CHST9: variants seen among roughly 807,000 people sequenced by gnomAD.
CHST9 encodes carbohydrate sulfotransferase 9.
In CHST9, 41 loss-of-function variants were observed where a neutral mutation model predicts 44.4. That is an observed-to-expected ratio of 0.92 (90% CI 0.72 to 1.20). The LOEUF (loss-of-function observed/expected upper bound fraction) is 1.20, where lower values mean the gene tolerates loss of function less well. Among genes scored for constraint, CHST9 ranks in the 50% most tolerant of loss-of-function variants. CHST9 has a pLI of 0.00. For missense variants in CHST9, 504 were observed against 516.5 expected, an observed-to-expected ratio of 0.98 and a Z score of 0.23; for synonymous variants, 171 against 178.4, an observed-to-expected ratio of 0.96 and a Z score of 0.33.
At chr18:27,179,756 A>C (rs932603998) in intron 1 of CHST9, among the ~76,000 whole-genome samples, 11 of 152,150 alleles carry the variant, frequency 7.2e-5, no homozygotes, top group African/African-American at 2.2e-4. Context: ...GCAATTTACA[A>C]AAATAGTTTA....
chr18:27,109,282 CT>C (rs961194918), intron 2 of CHST9, among the ~76,000 whole-genome samples: 10 of 149,650 alleles, frequency 6.7e-5, no homozygotes, highest in East Asian at 3.9e-4. Flanking sequence ...ACACCAGCAC[CT>C]TTTTTTTTTC....
intron 4 of CHST9, 142 bp downstream of exon 4, chr18:27,023,974 C>T (rs568269717): frequency 8.0e-4 from 618 of 774,982 alleles, no homozygotes; most frequent in Non-Finnish European, 1.2e-3. Flanking sequence ...AAAAATGCCA[C>T]CTAGGCAGTG....
intron 4 of CHST9, among the ~76,000 whole-genome samples, chr18:26,988,406 C>A (rs2056778409): frequency 6.6e-6 from 1 of 152,022 alleles, no homozygotes; most frequent in East Asian, 1.9e-4. Context: ...CTATATTGAG[C>A]CAGGCAAAGT....
intron 2 of CHST9, among the ~76,000 whole-genome samples, chr18:27,090,212 T>C (rs2058054818): frequency 6.6e-6 from 1 of 152,218 alleles, no homozygotes; most frequent in Non-Finnish European, 1.5e-5. Context: ...ATGAGCATTT[T>C]TTCATGTGTC....
At chr18:27,161,637 C>G (rs1173494587) in intron 1 of CHST9, among the ~76,000 whole-genome samples, 1 of 152,066 alleles carries the variant, frequency 6.6e-6, no homozygotes, top group Non-Finnish European at 1.5e-5. Flanking sequence ...CCACTTGGTG[C>G]AGAGCTGAGT....
rs1199447213 is a variant in CHST9 at position 27,005,490 on chromosome 18, T to C, written c.202+18626A>G. On this transcript the variant is annotated intron_variant, in intron 4 of 5. Transcript: ENST00000618847. ...ATCGATGCTATTTTTAGATTCTCTT[T>C]AGATCCTGAGTACTCAAGAGCTTAA... Among the ~76,000 whole-genome samples the C allele has an allele frequency of 3.9e-5, 6 of 152,206 alleles. No individual in the cohort carries two copies. In the South Asian group the frequency reaches 8.3e-4, roughly 21 times the overall value.
At chr18:26,932,404 G>A (rs557833247) in intron 5 of CHST9, among the ~76,000 whole-genome samples, 1 of 151,940 alleles carries the variant, frequency 6.6e-6, no homozygotes, top group African/African-American at 2.4e-5. Context: ...GAGACTTGGT[G>A]GTTATGGAGT....
At chr18:26,967,655 G>C (rs913268754) in intron 4 of CHST9, among the ~76,000 whole-genome samples, 25 of 152,282 alleles carry the variant, frequency 1.6e-4, no homozygotes, top group African/African-American at 6.0e-4. Flanking sequence ...GAATTATGTG[G>C]CCAAAAGGTG....
At chr18:27,012,203 C>T (rs902086009) in intron 4 of CHST9, among the ~76,000 whole-genome samples, 4 of 152,102 alleles carry the variant, frequency 2.6e-5, no homozygotes, top group African/African-American at 2.4e-5. Context: ...GGGGAGCCAA[C>T]CCCCCTGTGC....
intron 2 of CHST9, among the ~76,000 whole-genome samples, chr18:27,065,073 T>G (rs967897615): frequency 6.6e-6 from 1 of 152,236 alleles, no homozygotes; most frequent in Non-Finnish European, 1.5e-5. Flanking sequence ...AACTCTTCCA[T>G]AAACATCTTA....
chr18:27,158,524 T>C (rs1435371346), intron 1 of CHST9, among the ~76,000 whole-genome samples: 1 of 151,500 alleles, frequency 6.6e-6, no homozygotes, highest in Non-Finnish European at 1.5e-5. Flanking sequence ...TTTGGGTTGG[T>C]TCCAAGTCTT....
intron 4 of CHST9, among the ~76,000 whole-genome samples, chr18:26,957,337 CT>C (rs1283586421): frequency 6.6e-6 from 1 of 152,128 alleles, no homozygotes; most frequent in African/African-American, 2.4e-5. Flanking sequence ...TTTATGGAAA[CT>C]GTTGGTTGAA....
chr18:26,922,010 C>T (rs1402278370), intron 5 of CHST9, among the ~76,000 whole-genome samples: 9 of 152,034 alleles, frequency 5.9e-5, no homozygotes, highest in African/African-American at 1.9e-4. Flanking sequence ...AATTAGTGTC[C>T]CTGCAATTAT....
At chr18:27,100,720 T>C (rs2058162850) in intron 2 of CHST9, among the ~76,000 whole-genome samples, 1 of 152,260 alleles carries the variant, frequency 6.6e-6, no homozygotes, top group Non-Finnish European at 1.5e-5. Flanking sequence ...CTAGAATTCC[T>C]AGTGTGTATA....
At chr18:27,183,739 T>G (rs976102943) in intron 1 of CHST9, among the ~76,000 whole-genome samples, 34 of 152,202 alleles carry the variant, frequency 2.2e-4, no homozygotes, top group African/African-American at 7.5e-4. Context: ...TTTGTAAATT[T>G]GATTCACTTT....
intron 4 of CHST9, among the ~76,000 whole-genome samples, chr18:26,998,714 T>TCAAAA (rs2056914072): frequency 8.7e-6 from 1 of 115,004 alleles, no homozygotes; most frequent in East Asian, 2.4e-4. Context: ...AGACTCTGTC[T>TCAAAA]CAAAACAAAA....
At chr18:27,053,674 C>A (rs986799163) in intron 2 of CHST9, among the ~76,000 whole-genome samples, 4 of 152,142 alleles carry the variant, frequency 2.6e-5, no homozygotes, top group South Asian at 2.1e-4. Flanking sequence ...AAATTTATGA[C>A]CTTGGACAAT....
chr18:27,059,776 G>A (rs1234392823), intron 2 of CHST9, among the ~76,000 whole-genome samples: 1 of 152,140 alleles, frequency 6.6e-6, no homozygotes, highest in Non-Finnish European at 1.5e-5. Flanking sequence ...AATCCCGCTA[G>A]CCCCAAGTTT....
At chr18:27,087,083 T>C (rs1269713781) in intron 2 of CHST9, among the ~76,000 whole-genome samples, 1 of 152,196 alleles carries the variant, frequency 6.6e-6, no homozygotes, top group African/African-American at 2.4e-5. Context: ...ATAAAGACAG[T>C]AGGGGCTCCT....
Sources: gnomAD v4.1 joint callset for allele counts (sites outside exome capture counted in the v4.1 genomes callset) on GRCh38, gnomAD v4.1.1 for gene constraint, MANE v1.5 for transcripts, NCBI Gene and HGNC (gene_info 2026-07-23, HGNC 2026-07-21) for gene names.